The following ACVR1 variants were observed in gnomAD, a reference collection of about 807,000 sequenced individuals.
ACVR1 encodes activin receptor type-1.
ACVR1 carries 38 observed loss-of-function variants against 57.1 expected under a neutral mutation model. That is an observed-to-expected ratio of 0.67 (90% confidence interval 0.51 to 0.87). The LOEUF is 0.87. ACVR1 is among the 40% of genes least tolerant of loss of function. The probability of loss-of-function intolerance (pLI) is 0.00; values close to 1 mark genes in which losing one functional copy is unlikely to be tolerated. For missense variants in ACVR1, 463 were observed against 638.2 expected (o/e 0.73, Z 2.96); for synonymous variants, 212 against 228.1 (o/e 0.93, Z 0.63).
chr2:157,771,140 C>G (rs1042052701), intron 6 of ACVR1, among the ~76,000 whole-genome samples: 1 of 152,122 alleles, frequency 6.6e-6, no homozygotes, highest in Non-Finnish European at 1.5e-5. Context: ...GATTTCTTGG[C>G]GGAAGATGTA....
intron 1 of ACVR1, among the ~76,000 whole-genome samples, chr2:157,820,378 C>T (rs1196441845): frequency 2.6e-5 from 4 of 152,180 alleles, no homozygotes; most frequent in Non-Finnish European, 5.9e-5. Context: ...GGCAGATTCA[C>T]ACTAAAGCTG....
intron 1 of ACVR1, among the ~76,000 whole-genome samples, chr2:157,828,715 T>C (rs1688479960): frequency 6.6e-6 from 1 of 152,202 alleles, no homozygotes; most frequent in South Asian, 2.1e-4. Context: ...ATACTTTTTA[T>C]TTAATTTAGC....
At chr2:157,763,178 A>G (rs941531999) in intron 8 of ACVR1, among the ~76,000 whole-genome samples, 8 of 152,346 alleles carry the variant, frequency 5.3e-5, no homozygotes, top group African/African-American at 1.9e-4. Flanking sequence ...AGAATTATCA[A>G]TAATCTGTAG....
rs1685630979 is a variant in ACVR1 at position 157,761,033 on chromosome 2, C to T, written c.1111G>A (p.Gly371Arg). The change falls in exon 9 of 11, where the codon GGG (glycine) becomes AGG (arginine). Residue 371 changes from glycine to arginine, a missense_variant. Transcript: ENST00000434821. ...TTGGTGCCCACACGGGGATTGTTCC[C>T]CACATCAAGCTGATTGGTGCTCTGG... ...HSQSTNQLDV[G>R]NNPRVGTKRY... 5 of 1,613,960 alleles carry T rather than the reference C, an allele frequency of 3.1e-6. No individual in the cohort carries two copies. In the African/African-American group the frequency reaches 6.7e-5, roughly 22 times the overall value.
intron 9 of ACVR1, among the ~76,000 whole-genome samples, chr2:157,751,358 G>A (rs1435094604): frequency 1.3e-5 from 2 of 152,242 alleles, no homozygotes; most frequent in African/African-American, 4.8e-5. Context: ...CGGTCCTTGG[G>A]AAGGGCTGCC....
intron 9 of ACVR1, among the ~76,000 whole-genome samples, chr2:157,756,575 T>C (rs1428620725): frequency 1.3e-5 from 2 of 152,072 alleles, no homozygotes; most frequent in African/African-American, 4.8e-5. Flanking sequence ...TCTCTAATGA[T>C]CAGGGAAATG....
rs569061476 is a variant in ACVR1 at position 157,736,830 on chromosome 2, C to T, written c.*701G>A. 8.8e-6 allele frequency: 3 copies of T among 341,836 alleles called. No individual in the cohort carries two copies. The Admixed American group carries it at 1.5e-4, about 17-fold the overall frequency. The allele number at this position is 341,836 out of a possible 1,614,324, so 21.2% of individuals were successfully genotyped here. ...AATCATAAGACCACATAAAAATAAGCTTTAACATATGCACAAAGCAGTTTT... is the reference window on the plus strand; with the variant it reads ...AATCATAAGACCACATAAAAATAAGTTTTAACATATGCACAAAGCAGTTTT... On this transcript the variant is annotated 3_prime_UTR_variant, in exon 11 of 11. Coordinates refer to ENST00000434821, the MANE Select transcript of ACVR1 (RefSeq NM_001111067.4).
chr2:157,799,901 T>TAGG (rs1430950134), intron 2 of ACVR1, among the ~76,000 whole-genome samples: 1 of 152,210 alleles, frequency 6.6e-6, no homozygotes, highest in African/African-American at 2.4e-5. Context: ...TATTTTAACA[T>TAGG]GATGTTAAGG....
intron 2 of ACVR1, among the ~76,000 whole-genome samples, chr2:157,813,401 C>T (rs1213983763): frequency 6.6e-6 from 1 of 152,200 alleles, no homozygotes; most frequent in East Asian, 1.9e-4. Context: ...TAATTTTCCA[C>T]TAAAATCCCT....
At chr2:157,842,587 C>T (rs1004658406) in intron 1 of ACVR1, among the ~76,000 whole-genome samples, 3 of 152,186 alleles carry the variant, frequency 2.0e-5, no homozygotes, top group African/African-American at 7.2e-5. Flanking sequence ...AAGATTTCCT[C>T]CAAGTATGAA....
At chr2:157,838,541 CTAT>C (rs1439040145) in intron 1 of ACVR1, among the ~76,000 whole-genome samples, 1 of 152,134 alleles carries the variant, frequency 6.6e-6, no homozygotes, top group Non-Finnish European at 1.5e-5. Context: ...AGTGTACAAA[CTAT>C]TAGGAAAAAT....
At chr2:157,846,848 C>T (rs1189437780) in intron 1 of ACVR1, among the ~76,000 whole-genome samples, 1 of 152,080 alleles carries the variant, frequency 6.6e-6, no homozygotes, top group African/African-American at 2.4e-5. Flanking sequence ...CTCCTGGCCT[C>T]GAGGGCAGGA....
At chr2:157,808,406 G>A (rs1687635258) in intron 2 of ACVR1, among the ~76,000 whole-genome samples, 1 of 152,196 alleles carries the variant, frequency 6.6e-6, no homozygotes, top group Non-Finnish European at 1.5e-5. Context: ...GGGGGCAGGG[G>A]TGGGTTTGTA....
chr2:157,833,877 G>A (rs1377288332), intron 1 of ACVR1, among the ~76,000 whole-genome samples: 1 of 152,094 alleles, frequency 6.6e-6, no homozygotes, highest in Admixed American at 6.5e-5. Context: ...ATCCATTTTA[G>A]TTGTTTCATG....
chr2:157,865,141 A>T (rs1461489675), intron 1 of ACVR1, among the ~76,000 whole-genome samples: 1 of 151,604 alleles, frequency 6.6e-6, no homozygotes, highest in Admixed American at 6.6e-5. Context: ...ATTTACTGGA[A>T]GGACCAAAAA....
At chr2:157,798,935 T>C (rs566833589) in intron 3 of ACVR1, among the ~76,000 whole-genome samples, 2 of 152,130 alleles carry the variant, frequency 1.3e-5, no homozygotes, top group Non-Finnish European at 2.9e-5. Flanking sequence ...CTCGCTCTGT[T>C]GCCCGGGCTG....
intron 3 of ACVR1, among the ~76,000 whole-genome samples, chr2:157,798,223 A>T (rs990531358): frequency 2.6e-5 from 4 of 152,102 alleles, no homozygotes; most frequent in Non-Finnish European, 5.9e-5. Flanking sequence ...TGTATGTCTT[A>T]CACTGCCTTC....
intron 1 of ACVR1, among the ~76,000 whole-genome samples, chr2:157,846,962 T>C (rs572166915): frequency 1.8e-3 from 275 of 152,206 alleles, no homozygotes; most frequent in Non-Finnish European, 3.2e-3. Flanking sequence ...AGAGGCTGGA[T>C]AGGTAAAGAT....
At chr2:157,867,687 T>A (rs931055360) in intron 1 of ACVR1, among the ~76,000 whole-genome samples, 7 of 152,148 alleles carry the variant, frequency 4.6e-5, no homozygotes, top group Non-Finnish European at 7.3e-5. Flanking sequence ...ATGTTTTTTT[T>A]TTTTTAATGT....
Sources: gnomAD v4.1 joint callset for allele counts (sites outside exome capture counted in the v4.1 genomes callset) on GRCh38, gnomAD v4.1.1 for gene constraint, MANE v1.5 for transcripts, NCBI Gene and HGNC (gene_info 2026-07-23, HGNC 2026-07-21) for gene names.